Variants in FBXL7 observed in about 807,000 individuals in gnomAD.
The protein encoded by FBXL7 is F-box and leucine rich repeat protein 7.
In FBXL7, 12 loss-of-function variants were observed where a neutral mutation model predicts 38.3. The observed-to-expected ratio is 0.31, with a 90% CI of 0.20 to 0.51. The LOEUF is 0.51. Ranked by LOEUF, FBXL7 falls within the 20% of genes least tolerant of loss-of-function variation. The pLI, the probability that FBXL7 is intolerant of heterozygous loss-of-function variation, is 0.98. For synonymous variants in FBXL7, 297 were observed against 300.9 expected (o/e 0.99, Z 0.13); for missense variants, 567 against 676.4 (o/e 0.84, Z 1.79).
intron 2 of FBXL7, among the ~76,000 whole-genome samples, chr5:15,838,570 A>C (rs1738653119): frequency 6.6e-6 from 1 of 152,196 alleles, no homozygotes; most frequent in Non-Finnish European, 1.5e-5. Context: ...CCCTAGACGG[A>C]TATTGAGCAT....
At chr5:15,626,544 C>CAGTGTGTGTGTGTGTGTG (rs1554010328) in intron 2 of FBXL7, among the ~76,000 whole-genome samples, 2 of 148,242 alleles carry the variant, frequency 1.3e-5, no homozygotes, top group South Asian at 4.3e-4. Flanking sequence ...AATTCGTTTC[C>CAGTGTGTGTGTGTGTGTG]TGTGTGTGTG....
At chr5:15,896,458 T>C (rs915881479) in intron 2 of FBXL7, among the ~76,000 whole-genome samples, 54 of 152,142 alleles carry the variant, frequency 3.5e-4, no homozygotes, top group Non-Finnish European at 8.8e-5. Flanking sequence ...CCAGCTAGGG[T>C]GTGGGAGAAT....
intron 2 of FBXL7, among the ~76,000 whole-genome samples, chr5:15,892,404 G>A (rs1410517823): frequency 1.3e-5 from 2 of 152,144 alleles, no homozygotes; most frequent in Admixed American, 6.5e-5. Flanking sequence ...GAGCAGAGGC[G>A]GGACATGCAG....
chr5:15,788,720 G>A (rs556158087), intron 2 of FBXL7, among the ~76,000 whole-genome samples: 10 of 151,002 alleles, frequency 6.6e-5, no homozygotes, highest in Admixed American at 1.3e-4. Context: ...ACGGAGTCTC[G>A]CTCTGTCACC....
intron 3 of FBXL7, among the ~76,000 whole-genome samples, chr5:15,929,471 T>A (rs887279001): frequency 6.6e-6 from 1 of 151,948 alleles, no homozygotes; most frequent in Admixed American, 6.6e-5. Context: ...ACTGGAAATA[T>A]TAGCCAGGCA....
intron 2 of FBXL7, among the ~76,000 whole-genome samples, chr5:15,786,337 G>C (rs1487297686): frequency 6.9e-6 from 1 of 143,964 alleles, no homozygotes; most frequent in Non-Finnish European, 1.5e-5. Context: ...TGCCATGATT[G>C]GGAAACCAGT....
At chr5:15,603,689 G>T (rs1739887298) in intron 1 of FBXL7, among the ~76,000 whole-genome samples, 1 of 152,226 alleles carries the variant, frequency 6.6e-6, no homozygotes, top group Non-Finnish European at 1.5e-5. Flanking sequence ...TAGATGGTTT[G>T]GCGTAAAGAA....
At chr5:15,856,368 AGGGGAAAAGCACATTCT>A (rs1398687525) in intron 2 of FBXL7, among the ~76,000 whole-genome samples, 1 of 152,008 alleles carries the variant, frequency 6.6e-6, no homozygotes. Flanking sequence ...GAGCTAAACC[AGGGGAAAAGCACATTCT>A]GGGGCCTATC....
intron 2 of FBXL7, among the ~76,000 whole-genome samples, chr5:15,641,819 C>T (rs1484447314): frequency 2.0e-5 from 3 of 152,136 alleles, no homozygotes; most frequent in Non-Finnish European, 2.9e-5. Context: ...TTTACGCCAT[C>T]AGCTTGGATG....
chr5:15,817,903 T>C (rs1738062442), intron 2 of FBXL7, among the ~76,000 whole-genome samples: 1 of 152,124 alleles, frequency 6.6e-6, no homozygotes, highest in Non-Finnish European at 1.5e-5. Flanking sequence ...TGATCCAGCC[T>C]CAGATGTTTG....
At chr5:15,665,665 T>A (rs1486796112) in intron 2 of FBXL7, among the ~76,000 whole-genome samples, 1 of 152,210 alleles carries the variant, frequency 6.6e-6, no homozygotes, top group Non-Finnish European at 1.5e-5. Flanking sequence ...ATAAAAATAA[T>A]CCTTCAGATG....
At chr5:15,594,623 T>G (rs1389728079) in intron 1 of FBXL7, among the ~76,000 whole-genome samples, 1 of 152,202 alleles carries the variant, frequency 6.6e-6, no homozygotes, top group Middle Eastern at 3.2e-3. Context: ...TTCAGAGACC[T>G]GAAGAGGCTG....
chr5:15,673,265 G>A (rs551430045), intron 2 of FBXL7, among the ~76,000 whole-genome samples: 50 of 150,518 alleles, frequency 3.3e-4, no homozygotes, highest in African/African-American at 1.1e-3. Context: ...GCAGTGAGCC[G>A]AGATCACACT....
At chr5:15,858,170 GAA>G in intron 2 of FBXL7, among the ~76,000 whole-genome samples, 1 of 151,022 alleles carries the variant, frequency 6.6e-6, no homozygotes. Flanking sequence ...ATTAGAGATG[GAA>G]AAAACTGGAG....
intron 2 of FBXL7, among the ~76,000 whole-genome samples, chr5:15,915,993 T>G (rs963031307): frequency 6.6e-6 from 1 of 152,154 alleles, no homozygotes; most frequent in East Asian, 1.9e-4. Context: ...TAGGGTTCTA[T>G]CCTGGGAGGC....
intron 2 of FBXL7, among the ~76,000 whole-genome samples, chr5:15,922,272 C>T (rs577532605): frequency 1.3e-5 from 2 of 151,978 alleles, no homozygotes; most frequent in South Asian, 2.1e-4. Context: ...AAGGCACCTG[C>T]TCTACATATG....
At chr5:15,604,017 T>C (rs1045728630) in intron 1 of FBXL7, among the ~76,000 whole-genome samples, 8 of 152,146 alleles carry the variant, frequency 5.3e-5, no homozygotes, top group African/African-American at 9.7e-5. Flanking sequence ...ATGCCTGTAA[T>C]CCCAGCTTCT....
chr5:15,888,547 C>T (rs1740775804), intron 2 of FBXL7, among the ~76,000 whole-genome samples: 1 of 151,972 alleles, frequency 6.6e-6, no homozygotes, highest in Non-Finnish European at 1.5e-5. Flanking sequence ...AGTACAAATG[C>T]CTTCCAGAAG....
At position 15,674,740 on chromosome 5, in the gene FBXL7, C is replaced by T. The variant is rs543093763; in HGVS notation, c.127+58668C>T. Among the ~76,000 whole-genome samples, 6 of 152,320 alleles carry T rather than the reference C, an allele frequency of 3.9e-5. No individual in the cohort carries two copies. The East Asian group carries it at 5.8e-4, about 15-fold the overall frequency. On this transcript the variant is annotated intron_variant, in intron 2 of 3. Coordinates refer to ENST00000504595, the MANE Select transcript of FBXL7 (RefSeq NM_012304.5). ...GCCCAATCTCTCCTAATCACAAAAA[C>T]GCAACTGATAATTATCTCAGGCAAT... is the stretch of plus-strand genomic sequence containing the variant.
Sources: allele counts gnomAD v4.1 joint callset (sites outside exome capture counted in the v4.1 genomes callset), GRCh38; gene constraint gnomAD v4.1.1; transcripts MANE v1.5; gene names NCBI Gene and HGNC (gene_info 2026-07-23, HGNC 2026-07-21).